KLHL20: variants seen among roughly 807,000 people sequenced by gnomAD.
KLHL20 encodes the protein kelch-like protein 20.
In KLHL20, 29 loss-of-function variants were observed where a neutral mutation model predicts 69.5. The observed-to-expected ratio is 0.42, with a 90% CI of 0.31 to 0.57. The LOEUF is 0.57. Among genes scored for constraint, KLHL20 ranks in the 20% least tolerant of loss-of-function variants. The pLI is 0.18. For synonymous variants in KLHL20, 253 were observed against 265.2 expected (o/e 0.95, Z 0.45); for missense variants, 419 against 776.0 (o/e 0.54, Z 5.47).
At chr1:173,715,919 A>T in intron 1 of KLHL20, 84 bp from the exon 2 acceptor site, 1 of 977,238 alleles carries the variant, frequency 1.0e-6, no homozygotes, top group South Asian at 1.5e-5. Context: ...TAACTGACGA[A>T]ATGAGTGAAA....
At chr1:173,765,526 C>G (rs1212781844) in intron 7 of KLHL20, among the ~76,000 whole-genome samples, 5 of 152,014 alleles carry the variant, frequency 3.3e-5, no homozygotes, top group African/African-American at 1.2e-4. Context: ...ATTAAGCATA[C>G]TGTTTGCTAC....
intron 3 of KLHL20, among the ~76,000 whole-genome samples, chr1:173,750,826 G>A (rs1226760429): frequency 2.0e-5 from 3 of 152,086 alleles, no homozygotes; most frequent in Non-Finnish European, 1.5e-5. Flanking sequence ...CTCCCAAATT[G>A]CTAGGATTAC....
chr1:173,775,919 T>C, intron 10 of KLHL20, 77 bp downstream of exon 10: 1 of 1,185,268 alleles, frequency 8.4e-7, no homozygotes, highest in South Asian at 1.3e-5. Context: ...GGAGTGCAGA[T>C]ATCTCTTCAT....
At chr1:173,777,430 A>G (rs376747808) in intron 10 of KLHL20, among the ~76,000 whole-genome samples, 30 of 152,262 alleles carry the variant, frequency 2.0e-4, no homozygotes, top group East Asian at 1.5e-3. Context: ...TGCTCTACCT[A>G]GGACTTCCAG....
chr1:173,771,164 TAAC>T, intron 8 of KLHL20, among the ~76,000 whole-genome samples: 1 of 152,308 alleles, frequency 6.6e-6, no homozygotes, highest in African/African-American at 2.4e-5. Context: ...AGACAACTAT[TAAC>T]AACATGTAAG....
In KLHL20 at chr1:173,773,369, G is replaced by C. The variant is rs577657219; in HGVS notation, c.1296-936G>C. 6.0e-4 allele frequency among the ~76,000 whole-genome samples: 90 copies of C among 150,924 alleles called. 1 individual carries two copies. Among genetic ancestry groups the C allele is most frequent in the South Asian group, 2.1e-3 (10 of 4,780 alleles). Reference sequence around the variant, plus strand: ...GGCCAAGGTGAGAGGATTGCTTGAGGCCAGGAGTTTGAGACTAGCCTGGTT... The same window carrying C: ...GGCCAAGGTGAGAGGATTGCTTGAGCCCAGGAGTTTGAGACTAGCCTGGTT... On this transcript the variant is annotated intron_variant, in intron 8 of 11. Coordinates refer to ENST00000209884, the MANE Select transcript of KLHL20 (RefSeq NM_014458.4).
intron 8 of KLHL20, among the ~76,000 whole-genome samples, chr1:173,769,242 T>A (rs1647930997): frequency 6.6e-6 from 1 of 152,080 alleles, no homozygotes; most frequent in Non-Finnish European, 1.5e-5. Context: ...AAACAGTCTC[T>A]AAACATTGCC....
chr1:173,735,278 T>G (rs994513904), intron 3 of KLHL20, among the ~76,000 whole-genome samples: 3 of 152,038 alleles, frequency 2.0e-5, no homozygotes, highest in African/African-American at 7.2e-5. Context: ...AAACCCTGTC[T>G]CTACAAAAAA....
In KLHL20 at chr1:173,733,750, G is replaced by A. The variant is rs186556543; in HGVS notation, c.61G>A (p.Val21Ile). The A allele has an allele frequency of 4.0e-5, 64 of 1,614,090 alleles. No homozygotes were observed. The African/African-American group carries it at 8.3e-4, about 21-fold the overall frequency. The change falls in exon 3 of 12, where the codon GTA becomes ATA. Residue 21 changes from valine (V) to isoleucine (I), a missense_variant. By Grantham distance (29) the Val-to-Ile change is conservative (BLOSUM62 3). This residue lies in a region of KLHL20 where 129 missense variants were observed against 183.6 expected (regional missense o/e 0.70). Transcript: ENST00000209884. ...NIRPGETGMD[V>I]TSRCTLGDPN... ...TCGACCAGGAGAGACTGGAATGGAT[G>A]TAACAAGCCGCTGCACCCTTGGAGA...
chr1:173,721,366 G>A (rs1379666966), intron 2 of KLHL20, among the ~76,000 whole-genome samples: 2 of 152,112 alleles, frequency 1.3e-5, no homozygotes, highest in African/African-American at 4.8e-5. Context: ...CCCTAGTGTG[G>A]CATGCACTGT....
intron 8 of KLHL20, among the ~76,000 whole-genome samples, chr1:173,771,628 C>T (rs1648098696): frequency 6.6e-6 from 1 of 152,086 alleles, no homozygotes; most frequent in African/African-American, 2.4e-5. Context: ...ATTAGCCAGG[C>T]ATGGTGGTGC....
rs763294790 is a variant in KLHL20 at position 173,734,296 on chromosome 1, A to T, written c.597+10A>T. The T allele has an allele frequency of 6.2e-7, 1 of 1,613,368 alleles. No homozygotes were observed. Among genetic ancestry groups the T allele is most frequent in the South Asian group, 1.1e-5 (1 of 91,036 alleles). On this transcript the variant is annotated intron_variant, in intron 3 of 11. Transcript: ENST00000209884. ...ACATAACTTTCAAGAGGTGAGTTGC[A>T]CTTGGTGTTCCAATGCACCCATTTG... is the stretch of plus-strand genomic sequence containing the variant.
intron 3 of KLHL20, among the ~76,000 whole-genome samples, chr1:173,739,614 T>G (rs369875432): frequency 1.3e-5 from 2 of 152,012 alleles, no homozygotes; most frequent in East Asian, 1.9e-4. Context: ...AGTTATCTTT[T>G]GTATTTCTGT....
chr1:173,765,406 C>T (rs539468094), intron 7 of KLHL20, among the ~76,000 whole-genome samples: 7 of 151,590 alleles, frequency 4.6e-5, no homozygotes, highest in Non-Finnish European at 7.4e-5. Flanking sequence ...GGGAGGCTGA[C>T]GCAGGAGAAT....
At chr1:173,726,129 C>T (rs1671947290) in intron 2 of KLHL20, among the ~76,000 whole-genome samples, 1 of 152,136 alleles carries the variant, frequency 6.6e-6, no homozygotes, top group African/African-American at 2.4e-5. Context: ...GGTCCTACGC[C>T]CACAGAGCCT....
At chr1:173,726,749 A>G (rs959188658) in intron 2 of KLHL20, among the ~76,000 whole-genome samples, 1 of 152,228 alleles carries the variant, frequency 6.6e-6, no homozygotes, top group Admixed American at 6.5e-5. Context: ...CCCCATCTGT[A>G]CGTCACCATC....
intron 2 of KLHL20, among the ~76,000 whole-genome samples, chr1:173,732,700 A>G (rs912452786): frequency 6.6e-6 from 1 of 152,186 alleles, no homozygotes; most frequent in Non-Finnish European, 1.5e-5. Flanking sequence ...TTTAGATTCA[A>G]CTTTTAAATA....
chr1:173,775,004 T>C (rs946973405), intron 9 of KLHL20, among the ~76,000 whole-genome samples: 4 of 151,946 alleles, frequency 2.6e-5, no homozygotes, highest in Non-Finnish European at 5.9e-5. Context: ...AGAGATGGGG[T>C]TTCGCTGTGT....
At chr1:173,758,886 A>AG (rs1184896742) in intron 7 of KLHL20, among the ~76,000 whole-genome samples, 1 of 152,194 alleles carries the variant, frequency 6.6e-6, no homozygotes. Context: ...CCAGAACTCA[A>AG]GGTAGGGTGC....
Sources: allele counts gnomAD v4.1 joint callset (sites outside exome capture counted in the v4.1 genomes callset), GRCh38; gene constraint gnomAD v4.1.1; regional missense constraint gnomAD v4.1.1; transcripts MANE v1.5; gene names NCBI Gene and HGNC (gene_info 2026-07-23, HGNC 2026-07-21).